The following ITGA1 variants were observed in gnomAD, a reference collection of about 807,000 sequenced individuals.
ITGA1 encodes integrin alpha-1.
Under a neutral mutation model 145.9 loss-of-function variants are expected in ITGA1, and 85 were observed. The ratio of observed to expected loss-of-function variants is 0.58; its 90% confidence interval spans 0.49 to 0.70. The LOEUF is 0.70. ITGA1 is among the 30% of genes least tolerant of loss of function. The probability of loss-of-function intolerance (pLI) is 0.00; values close to 1 mark genes in which losing one functional copy is unlikely to be tolerated. For synonymous variants in ITGA1, 520 were observed against 495.3 expected (o/e 1.05, Z -0.66); for missense variants, 1,351 against 1,418.7 (o/e 0.95, Z 0.77).
At chr5:52,829,150 G>A (rs1406454767) in intron 1 of ITGA1, among the ~76,000 whole-genome samples, 1 of 152,138 alleles carries the variant, frequency 6.6e-6, no homozygotes, top group East Asian at 1.9e-4. Flanking sequence ...AAATTTGTGT[G>A]GGGGAACACA....
chr5:52,910,874 T>C (rs1173897424), intron 14 of ITGA1, among the ~76,000 whole-genome samples: 1 of 140,570 alleles, frequency 7.1e-6, no homozygotes, highest in Non-Finnish European at 1.5e-5. Flanking sequence ...ATATATAGTA[T>C]ATATGGTATG....
chr5:52,860,337 AGAGACC>A (rs1404459778), intron 2 of ITGA1, among the ~76,000 whole-genome samples: 1 of 151,980 alleles, frequency 6.6e-6, no homozygotes, highest in Non-Finnish European at 1.5e-5. Flanking sequence ...CACGTGGTCA[AGAGACC>A]GAGACTATCC....
intron 1 of ITGA1, chr5:52,800,686 G>C: frequency 6.2e-7 from 1 of 1,614,158 alleles, no homozygotes; most frequent in Non-Finnish European, 8.5e-7. Flanking sequence ...CAAGATGGGG[G>C]CTTACCACAC....
intron 14 of ITGA1, among the ~76,000 whole-genome samples, chr5:52,914,181 G>C (rs1750607038): frequency 1.3e-5 from 2 of 152,172 alleles, no homozygotes; most frequent in African/African-American, 4.8e-5. Context: ...ATTAGAGTTG[G>C]ATTTGTTTAA....
At chr5:52,806,613 GATAT>G (rs1199842460) in intron 1 of ITGA1, among the ~76,000 whole-genome samples, 3 of 152,004 alleles carry the variant, frequency 2.0e-5, no homozygotes, top group Middle Eastern at 3.4e-3. Context: ...GGAAGTGTGT[GATAT>G]ATATCACCAT....
At chr5:52,816,460 T>C (rs1056854499) in intron 1 of ITGA1, among the ~76,000 whole-genome samples, 1 of 152,182 alleles carries the variant, frequency 6.6e-6, no homozygotes, top group African/African-American at 2.4e-5. Context: ...AGCCATGGCA[T>C]GAAGTCTTCC....
At chr5:52,797,477 T>C (rs1475536582) in intron 1 of ITGA1, among the ~76,000 whole-genome samples, 7 of 151,562 alleles carry the variant, frequency 4.6e-5, no homozygotes, top group Non-Finnish European at 1.5e-5. Flanking sequence ...AAAAAAAAAC[T>C]ATGTAGAAGA....
chr5:52,922,932 T>C (rs754500651), intron 18 of ITGA1, 45 bp downstream of exon 18: 1 of 1,108,402 alleles, frequency 9.0e-7, no homozygotes, highest in Non-Finnish European at 1.4e-6. Context: ...CTTGTGAACA[T>C]TTTAATGTCA....
At chr5:52,907,278 G>T (rs533451812) in intron 12 of ITGA1, among the ~76,000 whole-genome samples, 9 of 152,210 alleles carry the variant, frequency 5.9e-5, no homozygotes, top group Admixed American at 2.0e-4. Flanking sequence ...AAAGGCTATT[G>T]TTGTAGCTCA....
In ITGA1 at chr5:52,925,375, C is replaced by A; in HGVS notation, c.2501C>A (p.Ser834Tyr). Residue 834 changes from serine (S) to tyrosine (Y), a missense_variant, in exon 19 of 29, where the codon TCC becomes TAC. Ser to Tyr is a moderately radical substitution (Grantham distance 144, BLOSUM62 -2). Coordinates refer to ENST00000282588, the MANE Select transcript of ITGA1 (RefSeq NM_181501.2). ...GAAAAGGACCTGCTGATTGTCCGATCCCAGAATGATAAGTTCAACGTTAGC... is the reference window on the plus strand; with the variant it reads ...GAAAAGGACCTGCTGATTGTCCGATACCAGAATGATAAGTTCAACGTTAGC... Reference protein sequence around the residue: ...TTEKDLLIVRSQNDKFNVSLT... With the variant: ...TTEKDLLIVRYQNDKFNVSLT... The A allele has an allele frequency of 6.2e-7, 1 of 1,613,930 alleles. No homozygotes were observed. Among genetic ancestry groups the A allele is most frequent in the East Asian group, 2.2e-5 (1 of 44,868 alleles).
At position 52,918,718 on chromosome 5, in the gene ITGA1, GT is replaced by G. The variant is rs1194021295; in HGVS notation, c.1989-9del. The G allele has an allele frequency of 1.3e-6, 2 of 1,597,348 alleles. No individual in the cohort carries two copies. Among genetic ancestry groups the G allele is most frequent in the Admixed American group, 1.8e-5 (1 of 55,958 alleles). ...GTAAAAATGTGTGAGTAATCCCATT[GT>G]TTTTGTTTGTAGGTCCCGAGATGTG... is the stretch of plus-strand genomic sequence containing the variant. On this transcript the variant is annotated splice_polypyrimidine_tract_variant and intron_variant, in intron 15 of 28. Coordinates refer to ENST00000282588, the MANE Select transcript of ITGA1 (RefSeq NM_181501.2).
At chr5:52,884,362 G>A (rs187724249) in intron 7 of ITGA1, among the ~76,000 whole-genome samples, 10 of 151,616 alleles carry the variant, frequency 6.6e-5, no homozygotes, top group African/African-American at 1.2e-4. Context: ...CAGGAGAAGC[G>A]CCTGAACCCA....
Position 52,886,122 on chromosome 5 carries a change from AG to A in ITGA1, c.774-1690del, listed in dbSNP as rs1166370404. 2.6e-5 allele frequency among the ~76,000 whole-genome samples: 4 copies of A among 152,208 alleles called. No homozygotes were observed. In the East Asian group the frequency reaches 7.7e-4, roughly 29 times the overall value. ...ACTAAGTGGGTAAAGAACACAGCCC[AG>A]GGTCAGAGCCCAGTCTAGAAGAAGA... On this transcript the variant is annotated intron_variant, in intron 7 of 28. Transcript: ENST00000282588.
intron 22 of ITGA1, 31 bp downstream of exon 22, chr5:52,932,167 C>G: frequency 7.6e-7 from 1 of 1,315,410 alleles, no homozygotes; most frequent in Non-Finnish European, 1.1e-6. Context: ...TATGTGGATG[C>G]CTTTCTATTA....
chr5:52,904,737 C>T (rs1261643540), intron 11 of ITGA1: 1 of 151,806 alleles, frequency 6.6e-6, no homozygotes. Flanking sequence ...CCTGTAGTCC[C>T]AGCTACTCGG....
At chr5:52,854,820 A>T (rs1443813944) in intron 2 of ITGA1, among the ~76,000 whole-genome samples, 1 of 152,160 alleles carries the variant, frequency 6.6e-6, no homozygotes, top group Non-Finnish European at 1.5e-5. Flanking sequence ...ATATTATTAT[A>T]ATTGTAGCTT....
chr5:52,915,887 A>T (rs1750640071), intron 15 of ITGA1, among the ~76,000 whole-genome samples: 1 of 152,214 alleles, frequency 6.6e-6, no homozygotes, highest in Admixed American at 6.5e-5. Flanking sequence ...CTTATAGAGG[A>T]TGTATATAAA....
chr5:52,891,643 A>C (rs1330806539), intron 8 of ITGA1, among the ~76,000 whole-genome samples: 1 of 149,378 alleles, frequency 6.7e-6, no homozygotes, highest in African/African-American at 2.4e-5. Context: ...TTTATTACAG[A>C]AGTGATTTTT....
chr5:52,866,476 G>A (rs1333981550), intron 6 of ITGA1, among the ~76,000 whole-genome samples: 1 of 152,148 alleles, frequency 6.6e-6, no homozygotes, highest in Non-Finnish European at 1.5e-5. Context: ...GTCAGAGTTT[G>A]TAAAAACTAA....
Sources: allele counts gnomAD v4.1 joint callset (sites outside exome capture counted in the v4.1 genomes callset), GRCh38; gene constraint gnomAD v4.1.1; transcripts MANE v1.5; gene names NCBI Gene and HGNC (gene_info 2026-07-23, HGNC 2026-07-21).